KCNQ1: variants seen among roughly 807,000 people sequenced by gnomAD.
KCNQ1 encodes potassium voltage-gated channel subfamily Q member 1.
Under a neutral mutation model 72.4 loss-of-function variants are expected in KCNQ1, and 49 were observed. That is an observed-to-expected ratio of 0.68 (90% CI 0.54 to 0.86). KCNQ1 has a LOEUF of 0.86. Among genes scored for constraint, KCNQ1 ranks in the 40% least tolerant of loss-of-function variants. The probability of loss-of-function intolerance (pLI) is 0.00; values close to 1 mark genes in which losing one functional copy is unlikely to be tolerated. For synonymous variants in KCNQ1, 450 were observed against 412.6 expected, an observed-to-expected ratio of 1.09 and a Z score of -1.10; for missense variants, 790 against 945.1, an observed-to-expected ratio of 0.84 and a Z score of 2.15.
chr11:2,844,096 C>T lies in KCNQ1; in HGVS notation c.1795-3671C>T, dbSNP rs527786172. Among the ~76,000 whole-genome samples, 7 of 152,344 alleles carry T rather than the reference C, an allele frequency of 4.6e-5. No individual in the cohort carries two copies. In the South Asian group the frequency reaches 1.0e-3, roughly 23 times the overall value. On this transcript the variant is annotated intron_variant, in intron 15 of 15. Coordinates refer to ENST00000155840, the MANE Select transcript of KCNQ1 (RefSeq NM_000218.3). ...TCGGCCATGGGAGGTGCTTCTCAGG[C>T]TCCTCCATCGCCAAAAAAAACCAAA...
At chr11:2,758,811 G>C (rs999989184) in intron 11 of KCNQ1, among the ~76,000 whole-genome samples, 3 of 152,194 alleles carry the variant, frequency 2.0e-5, no homozygotes, top group African/African-American at 7.2e-5. Flanking sequence ...GTCGCATGCT[G>C]TGTGATTCCG....
At chr11:2,513,989 A>G (rs1847249371) in intron 1 of KCNQ1, among the ~76,000 whole-genome samples, 1 of 152,198 alleles carries the variant, frequency 6.6e-6, no homozygotes, top group Non-Finnish European at 1.5e-5. Flanking sequence ...CAGAGAGGCA[A>G]GTGGCTCCCG....
In KCNQ1 at chr11:2,571,376, G is replaced by A. The variant is rs767472291; in HGVS notation, c.656G>A (p.Gly219Glu). ...GTGGTCCTCTGCGTGGGCTCCAAGG[G>A]GCAGGTGTTTGCCACGTCGGCCATC... ...SMVVLCVGSK[G>E]QVFATSAIRG... Residue 219 changes from glycine (G) to glutamate (E), a missense_variant, in exon 4 of 16, where the codon GGG becomes GAG. By Grantham distance (98) the Gly-to-Glu change is moderately conservative. This residue lies in a region of KCNQ1 where 294 missense variants were observed against 323.3 expected (regional missense o/e 0.91). Transcript: ENST00000155840. The A allele has an allele frequency of 2.5e-6, 4 of 1,612,900 alleles. No individual in the cohort carries two copies. In the South Asian group the frequency reaches 4.4e-5, roughly 18 times the overall value.
intron 10 of KCNQ1, chr11:2,640,669 T>A: frequency 2.5e-6 from 1 of 398,474 alleles, no homozygotes; most frequent in Non-Finnish European, 4.4e-6. Context: ...CACCCTCAAT[T>A]TATCATCTCT....
intron 2 of KCNQ1, among the ~76,000 whole-genome samples, chr11:2,535,253 C>T (rs1847710969): frequency 1.3e-5 from 2 of 152,198 alleles, no homozygotes; most frequent in Non-Finnish European, 2.9e-5. Context: ...GAAAGTGGAC[C>T]AGGGGCAGGT....
chr11:2,555,448 G>T (rs1028818675), intron 2 of KCNQ1, among the ~76,000 whole-genome samples: 6 of 152,206 alleles, frequency 3.9e-5, no homozygotes, highest in African/African-American at 1.4e-4. Context: ...GCCTGGGGAA[G>T]ATGGGGGATT....
chr11:2,637,424 C>A (rs1235284599), intron 10 of KCNQ1: 2 of 152,190 alleles, frequency 1.3e-5, no homozygotes, highest in Admixed American at 6.5e-5. Context: ...TATTTCTCTG[C>A]CTTCATTTCG....
intron 2 of KCNQ1, among the ~76,000 whole-genome samples, chr11:2,534,388 G>T (rs778012006): frequency 6.6e-6 from 1 of 152,254 alleles, no homozygotes; most frequent in South Asian, 2.1e-4. Flanking sequence ...GGGAAAAGAC[G>T]CAGAGCAAAG....
chr11:2,525,710 G>A (rs1164199336), intron 1 of KCNQ1, among the ~76,000 whole-genome samples: 5 of 152,258 alleles, frequency 3.3e-5, no homozygotes, highest in Admixed American at 6.5e-5. Context: ...GAACCACGTG[G>A]CTGATCAGAC....
chr11:2,632,767 G>T, intron 10 of KCNQ1: 1 of 398,286 alleles, frequency 2.5e-6, no homozygotes, highest in South Asian at 1.3e-4. Context: ...GCTTTATTAT[G>T]ACTGAATAAT....
rs1316923739 is a variant in KCNQ1, at chr11:2,608,797, T to C, written c.1393+19943T>C. ...AGCCACTGCAGCTAGCCTCGTTTTT[T>C]TGCTTTAATTTGTAAAACTGTCATT... On this transcript the variant is annotated intron_variant, in intron 10 of 15. Transcript: ENST00000155840. The surrounding 1 kb of genome is among the most constrained non-coding windows in gnomAD (Gnocchi z 4.6). 2.5e-6 allele frequency: 1 copy of C among 398,522 alleles called. No homozygotes were observed. The highest frequency in any genetic ancestry group is 4.4e-6 in the Non-Finnish European group (1 of 226,092). 24.7% of individuals were successfully genotyped at this position (398,522 alleles called of 1,614,324 possible). A position where few individuals can be genotyped will look rare whatever the true frequency, so the allele number is the denominator to read the frequency against.
At chr11:2,804,323 TACTC>T (rs1209614854) in intron 15 of KCNQ1, among the ~76,000 whole-genome samples, 1 of 152,182 alleles carries the variant, frequency 6.6e-6, no homozygotes, top group African/African-American at 2.4e-5. Flanking sequence ...AGGCACAAAA[TACTC>T]CACTGCCACC....
In KCNQ1 at chr11:2,462,840, G is replaced by A. The variant is rs1174398542; in HGVS notation, c.386+17356G>A. ...TTGACCCTCCCTGGGCTGGTGAGTCGGGGCCCAGCCCAGAGTGACAGGGAC... is the reference window on the plus strand; with the variant it reads ...TTGACCCTCCCTGGGCTGGTGAGTCAGGGCCCAGCCCAGAGTGACAGGGAC... On this transcript the variant is annotated intron_variant, in intron 1 of 15. Transcript: ENST00000155840. The surrounding 1 kb of genome is among the most constrained non-coding windows in gnomAD (Gnocchi z 8.2). Among the ~76,000 whole-genome samples the A allele has an allele frequency of 2.6e-5, 4 of 152,168 alleles. No homozygotes were observed. The highest frequency in any genetic ancestry group is 1.9e-4 in the East Asian group (1 of 5,194).
At position 2,712,530 on chromosome 11, in the gene KCNQ1, G is replaced by A. The variant is rs904190022; in HGVS notation, c.1514+50449G>A. ...GCCCACATATTCCCGAAGCCACCAG[G>A]CCAGACACCGCCCCAGCTGAATGCA... On this transcript the variant is annotated intron_variant, in intron 11 of 15. Transcript: ENST00000155840. The surrounding 1 kb of genome is among the most constrained non-coding windows in gnomAD (Gnocchi z 6.4). Among the ~76,000 whole-genome samples, 20 of 151,810 alleles carry A rather than the reference G, an allele frequency of 1.3e-4. No homozygotes were observed. Among genetic ancestry groups the A allele is most frequent in the African/African-American group, 4.8e-4 (20 of 41,350 alleles).
Position 2,668,626 on chromosome 11 carries a change from A to G in KCNQ1, c.1514+6545A>G, listed in dbSNP as rs1288663446. On this transcript the variant is annotated intron_variant, in intron 11 of 15. Transcript: ENST00000155840. The surrounding 1 kb of genome is among the most constrained non-coding windows in gnomAD (Gnocchi z 4.3). ...ATTGCCTACATCTTCTGCCTGTTTT[A>G]TGTTTATTTATGGTCCTATATATCT... 1 of 398,476 alleles carries G rather than the reference A, an allele frequency of 2.5e-6. No individual in the cohort carries two copies. The highest frequency in any genetic ancestry group is 3.6e-5 in the East Asian group (1 of 28,062). The allele number at this position is 398,476 out of a possible 1,614,324, so 24.7% of individuals were successfully genotyped here. A position where few individuals can be genotyped will look rare whatever the true frequency, so the allele number is the denominator to read the frequency against.
At chr11:2,581,067 G>A (rs1384412725) in intron 6 of KCNQ1, among the ~76,000 whole-genome samples, 3 of 152,216 alleles carry the variant, frequency 2.0e-5, no homozygotes, top group Admixed American at 6.5e-5. Context: ...ATACTGAAGG[G>A]GTGAGTGTCC....
rs1207763844 is a variant in KCNQ1, at chr11:2,808,962, G to A, written c.1794+30925G>A. 6.7e-6 allele frequency among the ~76,000 whole-genome samples: 1 copy of A among 149,766 alleles called. No individual in the cohort carries two copies. The highest frequency in any genetic ancestry group is 1.5e-5 in the Non-Finnish European group (1 of 67,558). ...ATGGATGGATATATGGATGCATGGAGAGACAGAGAAATAGATGCAGAGATG... is the reference window on the plus strand; with the variant it reads ...ATGGATGGATATATGGATGCATGGAAAGACAGAGAAATAGATGCAGAGATG... On this transcript the variant is annotated intron_variant, in intron 15 of 15. Coordinates refer to ENST00000155840, the MANE Select transcript of KCNQ1 (RefSeq NM_000218.3). The surrounding 1 kb of genome is among the most constrained non-coding windows in gnomAD (Gnocchi z 6.0).
In KCNQ1 at chr11:2,570,637, CT is replaced by C. The variant is rs397508112; in HGVS notation, c.488del (p.Leu163ArgfsTer74). On this transcript the variant is annotated frameshift_variant, in exon 3 of 16. Coordinates refer to ENST00000155840, the MANE Select transcript of KCNQ1 (RefSeq NM_000218.3). LOFTEE classifies it high-confidence loss of function. ...TGTLFWMEIV[L>X]VVFFGTEYVV... ...CACTCTGTCCCTGCAGGAGATCGTG[CT>C]GGTGGTGTTCTTCGGGACGGAGTAC... 5.0e-6 allele frequency: 8 copies of C among 1,612,710 alleles called. No individual in the cohort carries two copies. Among genetic ancestry groups the C allele is most frequent in the Non-Finnish European group, 6.8e-6 (8 of 1,179,978 alleles).
At chr11:2,796,639 G>T (rs950348842) in intron 15 of KCNQ1, among the ~76,000 whole-genome samples, 2 of 152,214 alleles carry the variant, frequency 1.3e-5, no homozygotes, top group Non-Finnish European at 1.5e-5. Flanking sequence ...TCGGGGCCGT[G>T]TCTCCCTGCG....
Sources: gnomAD v4.1 joint callset for allele counts (sites outside exome capture counted in the v4.1 genomes callset) on GRCh38, gnomAD v4.1.1 for gene constraint, gnomAD v4.1.1 regional missense constraint, Gnocchi (gnomAD v3.1) non-coding constraint, MANE v1.5 for transcripts, NCBI Gene and HGNC (gene_info 2026-07-23, HGNC 2026-07-21) for gene names.